Variants in KAZN observed in about 807,000 individuals in gnomAD.
KAZN encodes the protein kazrin.
KAZN carries 40 observed loss-of-function variants against 87.4 expected under a neutral mutation model. The observed-to-expected ratio is 0.46, with a 90% CI of 0.36 to 0.60. The LOEUF is 0.60. Ranked by LOEUF, KAZN falls within the 20% of genes least tolerant of loss-of-function variation. KAZN has a pLI of 0.00. For missense variants in KAZN, 898 were observed against 1,073.9 expected, an observed-to-expected ratio of 0.84 and a Z score of 2.29; for synonymous variants, 466 against 458.3, an observed-to-expected ratio of 1.02 and a Z score of -0.22.
chr1:13,982,437 C>G (rs10927979), intron 1 of KAZN, among the ~76,000 whole-genome samples: 137,919 of 152,258 alleles, frequency 0.91, 62,769 homozygotes, highest in African/African-American at 0.96. Flanking sequence ...GACTTTCGCG[C>G]TGAGTGTTAC....
intron 2 of KAZN, among the ~76,000 whole-genome samples, chr1:14,320,838 G>A (rs192603578): frequency 6.6e-6 from 1 of 152,272 alleles, no homozygotes; most frequent in Non-Finnish European, 1.5e-5. Context: ...TAAACTTTGG[G>A]TTGAGTCACT....
chr1:14,796,960 G>A (rs1367095570), intron 1 of KAZN, among the ~76,000 whole-genome samples: 1 of 152,244 alleles, frequency 6.6e-6, no homozygotes, highest in Non-Finnish European at 1.5e-5. Context: ...GATGGACTTG[G>A]AAGCAGTGGG....
chr1:14,372,355 G>A (rs1056160820), intron 2 of KAZN, among the ~76,000 whole-genome samples: 5 of 152,212 alleles, frequency 3.3e-5, no homozygotes, highest in African/African-American at 1.2e-4. Context: ...GTCATTGGAA[G>A]TTGGTAATTG....
At chr1:14,752,999 A>G (rs2100500803) in intron 1 of KAZN, among the ~76,000 whole-genome samples, 1 of 152,322 alleles carries the variant, frequency 6.6e-6, no homozygotes, top group Middle Eastern at 3.4e-3. Flanking sequence ...TGCACTTTGT[A>G]GAAGATGTTG....
intron 1 of KAZN, among the ~76,000 whole-genome samples, chr1:14,781,396 A>G (rs912990334): frequency 1.3e-5 from 2 of 152,232 alleles, no homozygotes; most frequent in African/African-American, 4.8e-5. Flanking sequence ...CCATTTAAAA[A>G]TGTCCTTTCA....
chr1:14,521,274 C>G (rs1224868051), intron 2 of KAZN, among the ~76,000 whole-genome samples: 1 of 152,202 alleles, frequency 6.6e-6, no homozygotes, highest in Non-Finnish European at 1.5e-5. Flanking sequence ...AGCCAAATCT[C>G]TTTTCACTCA....
At chr1:14,399,247 G>A (rs565069364) in intron 2 of KAZN, among the ~76,000 whole-genome samples, 6 of 152,120 alleles carry the variant, frequency 3.9e-5, no homozygotes, top group Non-Finnish European at 7.4e-5. Flanking sequence ...AAACTCCTGA[G>A]GTCAAGTGAT....
At chr1:14,246,910 C>T (rs1384310334) in intron 2 of KAZN, among the ~76,000 whole-genome samples, 2 of 152,126 alleles carry the variant, frequency 1.3e-5, no homozygotes, top group Non-Finnish European at 2.9e-5. Context: ...AGTGTGATTT[C>T]TGAGTCTCCA....
intron 2 of KAZN, among the ~76,000 whole-genome samples, chr1:14,347,043 T>C (rs1176779388): frequency 6.6e-6 from 1 of 152,186 alleles, no homozygotes; most frequent in East Asian, 1.9e-4. Flanking sequence ...GGAAAATAGA[T>C]GTAGATGTTC....
At chr1:14,841,498 A>C (rs560134220) in intron 1 of KAZN, among the ~76,000 whole-genome samples, 34 of 151,094 alleles carry the variant, frequency 2.3e-4, no homozygotes, top group African/African-American at 8.0e-4. Context: ...TCCCTGGCCA[A>C]AGATTTACAT....
chr1:14,892,549 G>A (rs1022894376), intron 1 of KAZN, among the ~76,000 whole-genome samples: 3 of 152,104 alleles, frequency 2.0e-5, no homozygotes, highest in African/African-American at 7.2e-5. Context: ...CACCCCACAG[G>A]TTTTTCTACA....
At chr1:14,885,705 C>T (rs1010138631) in intron 1 of KAZN, among the ~76,000 whole-genome samples, 5 of 152,052 alleles carry the variant, frequency 3.3e-5, no homozygotes, top group Non-Finnish European at 5.9e-5. Flanking sequence ...CCAGGTAAGA[C>T]CCATGTACTT....
chr1:14,224,929 T>C (rs1647209897), intron 2 of KAZN, among the ~76,000 whole-genome samples: 1 of 152,142 alleles, frequency 6.6e-6, no homozygotes, highest in Non-Finnish European at 1.5e-5. Context: ...AAAGGAGGCT[T>C]ACAGAGAAAG....
Position 15,116,060 on chromosome 1 carries a change from C to G in KAZN, c.*1425C>G, listed in dbSNP as rs41307761. 17,407 of 152,180 alleles carry G rather than the reference C, an allele frequency of 0.11. 2,466 individuals are homozygous for G. The highest frequency in any genetic ancestry group is 0.34 in the African/African-American group (14,071 of 41,428). The allele number at this position is 152,180 out of a possible 1,614,324, so 9.4% of individuals were successfully genotyped here. ...CACAGCCTTGAAAACCAGTTTGACT[C>G]AAGCCTTCGGGCCTCAGTTCATTGA... is the stretch of plus-strand genomic sequence containing the variant. On this transcript the variant is annotated 3_prime_UTR_variant, in exon 15 of 15. Coordinates refer to ENST00000376030, the MANE Select transcript of KAZN (RefSeq NM_201628.3).
At chr1:14,598,601 C>A, upstream of KAZN, 2 of 1,034,692 alleles carry the variant, frequency 1.9e-6, no homozygotes, top group Non-Finnish European at 2.3e-6. This position sits in a 1 kb window ranked among gnomAD's most constrained non-coding sequence, Gnocchi z 4.2. Context: ...CCAAGGGTGC[C>A]CCCAGCCTCC....
chr1:14,211,646 C>T (rs1646855580), intron 2 of KAZN, among the ~76,000 whole-genome samples: 1 of 152,030 alleles, frequency 6.6e-6, no homozygotes, highest in Non-Finnish European at 1.5e-5. Flanking sequence ...CTTGAGAGAG[C>T]TGATTAATTG....
Position 14,960,867 on chromosome 1 carries a change from C to G in KAZN, c.410C>G (p.Ala137Gly), listed in dbSNP as rs1206675579. 1.9e-6 allele frequency: 3 copies of G among 1,602,554 alleles called. No individual in the cohort carries two copies. The highest frequency in any genetic ancestry group is 1.1e-5 in the South Asian group (1 of 90,498). The change falls in exon 2 of 15, where the codon GCC (alanine) becomes GGC (glycine). Residue 137 changes from alanine to glycine, a missense_variant. By Grantham distance (60) the Ala-to-Gly change is moderately conservative. Around this residue, in one of 3 missense-constraint regions of KAZN, gnomAD observed 250 missense variants for 263.0 expected, o/e 0.95. Transcript: ENST00000376030. ...KEQELARAKE[A>G]LQAMKADRKR... The stretch of plus-strand genomic sequence containing the variant: ...CAGGAGCTAGCCAGAGCCAAAGAAG[C>G]CTTGCAGGGTGAGTGACGAGTCAGC...
chr1:14,633,908 G>A (rs562314117), intron 1 of KAZN, among the ~76,000 whole-genome samples: 4 of 151,718 alleles, frequency 2.6e-5, no homozygotes, highest in Admixed American at 6.6e-5. Context: ...TTATTTAAAG[G>A]CTGACAATTT....
At chr1:14,651,965 T>A (rs1638409707) in intron 1 of KAZN, among the ~76,000 whole-genome samples, 1 of 152,236 alleles carries the variant, frequency 6.6e-6, no homozygotes, top group Non-Finnish European at 1.5e-5. Context: ...GGAAAATCAT[T>A]GAGCAGTTTG....
Sources: allele counts gnomAD v4.1 joint callset (sites outside exome capture counted in the v4.1 genomes callset), GRCh38; gene constraint gnomAD v4.1.1; regional missense constraint gnomAD v4.1.1; non-coding constraint Gnocchi (gnomAD v3.1); transcripts MANE v1.5; gene names NCBI Gene and HGNC (gene_info 2026-07-23, HGNC 2026-07-21).